The following CASZ1 variants were observed in gnomAD, a reference collection of about 807,000 sequenced individuals.
CASZ1 encodes castor zinc finger 1.
A neutral mutation model predicts 135.2 loss-of-function variants in CASZ1; 28 were observed. That is an observed-to-expected ratio of 0.21 (90% CI 0.15 to 0.28). CASZ1 has a LOEUF of 0.28. CASZ1 is among the 10% of genes least tolerant of loss of function. The pLI is 1.00. For synonymous variants in CASZ1, 1,068 were observed against 1,073.4 expected (o/e 0.99, Z 0.10); for missense variants, 2,161 against 2,453.3 (o/e 0.88, Z 2.52).
chr1:10,639,852 T>C lies in CASZ1; in HGVS notation c.4370A>G (p.Tyr1457Cys). 1 of 1,611,954 alleles carries C rather than the reference T, an allele frequency of 6.2e-7. No individual in the cohort carries two copies. Among genetic ancestry groups the C allele is most frequent in the Non-Finnish European group, 8.5e-7 (1 of 1,179,566 alleles). The change falls in exon 21 of 21, where the codon TAC becomes TGC. Residue 1457 changes from tyrosine (Y) to cysteine (C), a missense_variant. Tyr to Cys is a radical substitution (Grantham distance 194, BLOSUM62 -2). This residue lies in a region of CASZ1 where 240 missense variants were observed against 321.4 expected (regional missense o/e 0.75). Transcript: ENST00000377022. The surrounding 1 kb of genome is among the most constrained non-coding windows in gnomAD (Gnocchi z 4.0). ...GCCGCAGTTCTCGCGCGTGCAGTGG[T>C]AGTGGGTGACCTTGAGCGAGAACTG... is the stretch of plus-strand genomic sequence containing the variant. ...ACQFSLKVTHYHCTRENCGYK... is the reference protein window; with the variant it reads ...ACQFSLKVTHCHCTRENCGYK...
rs550827307 is a variant in CASZ1 at position 10,759,816 on chromosome 1, C to T, written c.-77+885G>A. Among the ~76,000 whole-genome samples the T allele has an allele frequency of 4.6e-5, 7 of 152,106 alleles. No homozygotes were observed. Among genetic ancestry groups the T allele is most frequent in the African/African-American group, 9.6e-5 (4 of 41,458 alleles). On this transcript the variant is annotated intron_variant, in intron 2 of 20. Transcript: ENST00000377022. This position sits in a 1 kb window ranked among gnomAD's most constrained non-coding sequence, Gnocchi z 4.2. ...TGGCACACATAGGAAGAGCAGCCCC[C>T]GGCCCTGCCCTCCCCAGACATCCTC...
chr1:10,695,406 G>T (rs1253805242), intron 3 of CASZ1, among the ~76,000 whole-genome samples: 1 of 152,136 alleles, frequency 6.6e-6, no homozygotes, highest in Non-Finnish European at 1.5e-5. Context: ...CAGACGAATG[G>T]AGATCGGCGC....
chr1:10,656,658 CTCAGGG>C lies in CASZ1; in HGVS notation c.1482_1487del (p.Asp494_Pro495del). On this transcript the variant is annotated inframe_deletion, in exon 8 of 21. Transcript: ENST00000377022. Reference sequence around the variant, plus strand: ...GCTGTGGCCGTACCTGGTAGTTACACTCAGGGTCAAGGCAGTGGTAGTGCTCGCGGT... The same window carrying C: ...GCTGTGGCCGTACCTGGTAGTTACACTCAAGGCAGTGGTAGTGCTCGCGGT... 6.3e-7 allele frequency: 1 copy of C among 1,599,444 alleles called. No individual in the cohort carries two copies. The highest frequency in any genetic ancestry group is 8.5e-7 in the Non-Finnish European group (1 of 1,173,674).
chr1:10,765,650 T>C (rs1033491985), intron 1 of CASZ1, among the ~76,000 whole-genome samples: 1 of 152,016 alleles, frequency 6.6e-6, no homozygotes, highest in African/African-American at 2.4e-5. Flanking sequence ...AACGGCCTCA[T>C]TGGACCTGAA....
Position 10,739,792 on chromosome 1 carries a change from C to A in CASZ1, c.-77+20909G>T, listed in dbSNP as rs957105353. On this transcript the variant is annotated intron_variant, in intron 2 of 20. Coordinates refer to ENST00000377022, the MANE Select transcript of CASZ1 (RefSeq NM_001079843.3). This position sits in a 1 kb window ranked among gnomAD's most constrained non-coding sequence, Gnocchi z 4.8. ...AAACCTTGACCTCTCTAGCACATGCCTTTTGCCACCTCCCCCACTGGTCCT... is the reference window on the plus strand; with the variant it reads ...AAACCTTGACCTCTCTAGCACATGCATTTTGCCACCTCCCCCACTGGTCCT... 3.3e-5 allele frequency among the ~76,000 whole-genome samples: 5 copies of A among 152,220 alleles called. No individual in the cohort carries two copies. The highest frequency in any genetic ancestry group is 1.2e-4 in the African/African-American group (5 of 41,444).
chr1:10,638,772 T>G lies in CASZ1; in HGVS notation c.*170A>C. The stretch of plus-strand genomic sequence containing the variant: ...AGAGCAGGGCCACCGCCGCCGCCTG[T>G]GTCCTCGGCCGCGGAGCACCAGAGG... On this transcript the variant is annotated 3_prime_UTR_variant, in exon 21 of 21. Coordinates refer to ENST00000377022, the MANE Select transcript of CASZ1 (RefSeq NM_001079843.3). This position sits in a 1 kb window ranked among gnomAD's most constrained non-coding sequence, Gnocchi z 5.9. The G allele has an allele frequency of 1.7e-6, 1 of 589,316 alleles. No homozygotes were observed. The highest frequency in any genetic ancestry group is 2.1e-6 in the Non-Finnish European group (1 of 468,308). 36.5% of individuals were successfully genotyped at this position (589,316 alleles called of 1,614,324 possible).
At position 10,651,024 on chromosome 1, in the gene CASZ1, C is replaced by T. The variant is rs757209763; in HGVS notation, c.2733G>A (p.Pro911=). Residue 911 remains proline (P), a synonymous_variant, in exon 12 of 21, where the codon CCG becomes CCA. Coordinates refer to ENST00000377022, the MANE Select transcript of CASZ1 (RefSeq NM_001079843.3). ...PARFPPAQVK[P]EPGESTGAPG... The stretch of plus-strand genomic sequence containing the variant: ...GGGCGCCGGTGCTCTCACCGGGTTC[C>T]GGCTTCACTTGGGCCGGGGGGAACC... 51 of 1,562,096 alleles carry T rather than the reference C, an allele frequency of 3.3e-5. No homozygotes were observed. The highest frequency in any genetic ancestry group is 9.7e-5 in the African/African-American group (7 of 71,836).
At chr1:10,684,974 C>A (rs1179691626) in intron 4 of CASZ1, among the ~76,000 whole-genome samples, 1 of 152,244 alleles carries the variant, frequency 6.6e-6, no homozygotes, top group East Asian at 1.9e-4. Flanking sequence ...GGGACCTGGA[C>A]CAAAGGTCGG....
intron 2 of CASZ1, among the ~76,000 whole-genome samples, chr1:10,760,091 G>C (rs1323154547): frequency 6.6e-6 from 1 of 152,142 alleles, no homozygotes; most frequent in Admixed American, 6.5e-5. Flanking sequence ...TTACGCAAAG[G>C]GCTATTTCCA....
At position 10,658,573 on chromosome 1, in the gene CASZ1, G is replaced by C; in HGVS notation, c.1344C>G (p.Asn448Lys). Residue 448 changes from asparagine (N) to lysine (K), a missense_variant, in exon 7 of 21, where the codon AAC becomes AAG. Physicochemically the swap from Asn to Lys is moderately conservative, Grantham distance 94. Transcript: ENST00000377022. ...CGGCTGGTTTATCTGTGGGCAGTCCGTTCCTGGCAAGAGACACACAGGGCA... is the reference window on the plus strand; with the variant it reads ...CGGCTGGTTTATCTGTGGGCAGTCCCTTCCTGGCAAGAGACACACAGGGCA... The part of the protein sequence containing the change: ...ITTGTVSTVK[N>K]GLPTDKPAVT... 1.9e-6 allele frequency: 3 copies of C among 1,613,920 alleles called. No homozygotes were observed. The highest frequency in any genetic ancestry group is 2.5e-6 in the Non-Finnish European group (3 of 1,179,834).
At chr1:10,696,913 C>T (rs568141587) in intron 3 of CASZ1, among the ~76,000 whole-genome samples, 14 of 152,146 alleles carry the variant, frequency 9.2e-5, no homozygotes, top group Admixed American at 1.3e-4. Flanking sequence ...CCCAGTAACT[C>T]GGGGGGTCTC....
chr1:10,670,342 A>G (rs1643361500), intron 4 of CASZ1, among the ~76,000 whole-genome samples: 1 of 152,194 alleles, frequency 6.6e-6, no homozygotes, highest in Admixed American at 6.5e-5. Context: ...CTGGAGCCCA[A>G]CTGCCACCAG....
At chr1:10,749,969 T>C (rs962605412) in intron 2 of CASZ1, among the ~76,000 whole-genome samples, 1 of 152,160 alleles carries the variant, frequency 6.6e-6, no homozygotes, top group Non-Finnish European at 1.5e-5. Flanking sequence ...TTGGCACCTC[T>C]GGGTCCTAGG....
At chr1:10,732,250 G>T (rs746306954) in intron 2 of CASZ1, among the ~76,000 whole-genome samples, 2 of 151,374 alleles carry the variant, frequency 1.3e-5, no homozygotes. Flanking sequence ...ACTTGAACTC[G>T]GGAGGCAGAG....
intron 1 of CASZ1, among the ~76,000 whole-genome samples, chr1:10,796,002 C>G (rs1350670506): frequency 6.6e-6 from 1 of 151,514 alleles, no homozygotes; most frequent in Non-Finnish European, 1.5e-5. Flanking sequence ...CCAGGCACCC[C>G]TCACCCCGCC....
In CASZ1 at chr1:10,653,457, G is replaced by C; in HGVS notation, c.2600C>G (p.Ser867Cys). ...APPASIMERI[S>C]ASKGLISPMM... ...GGGCGAGATGAGGCCCTTGCTTGCA[G>C]AGATCCTCTCCATGATGGAGGCGGG... Residue 867 changes from serine to cysteine, a missense_variant, in exon 11 of 21, where the codon TCT becomes TGT. Coordinates refer to ENST00000377022, the MANE Select transcript of CASZ1 (RefSeq NM_001079843.3). 2 of 1,613,346 alleles carry C rather than the reference G, an allele frequency of 1.2e-6. No individual in the cohort carries two copies.
At chr1:10,763,571 C>T (rs988952235) in intron 1 of CASZ1, among the ~76,000 whole-genome samples, 1 of 152,172 alleles carries the variant, frequency 6.6e-6, no homozygotes, top group Non-Finnish European at 1.5e-5. Context: ...CCCCGGGTGG[C>T]CCCACACACC....
At chr1:10,677,048 C>T (rs1282347020) in intron 4 of CASZ1, among the ~76,000 whole-genome samples, 1 of 152,236 alleles carries the variant, frequency 6.6e-6, no homozygotes. Flanking sequence ...CTTTTCTCCC[C>T]CTCTTTCCTG....
intron 1 of CASZ1, among the ~76,000 whole-genome samples, chr1:10,789,562 T>G (rs1001982096): frequency 1.3e-5 from 2 of 150,096 alleles, no homozygotes; most frequent in Non-Finnish European, 3.0e-5. Flanking sequence ...CTCTCTCTCT[T>G]TCTCTCTCTC....
Sources: allele counts gnomAD v4.1 joint callset (sites outside exome capture counted in the v4.1 genomes callset), GRCh38; gene constraint gnomAD v4.1.1; regional missense constraint gnomAD v4.1.1; non-coding constraint Gnocchi (gnomAD v3.1); transcripts MANE v1.5; gene names NCBI Gene and HGNC (gene_info 2026-07-23, HGNC 2026-07-21).